LHFPL3: variants seen among roughly 807,000 people sequenced by gnomAD.
LHFPL3 encodes LHFPL tetraspan subfamily member 3 protein.
A neutral mutation model predicts 19.3 loss-of-function variants in LHFPL3; 5 were observed. The ratio of observed to expected loss-of-function variants is 0.26; its 90% confidence interval spans 0.14 to 0.54. The LOEUF (loss-of-function observed/expected upper bound fraction) is 0.54. Ranked by LOEUF, LHFPL3 falls within the 20% of genes least tolerant of loss-of-function variation. LHFPL3 has a pLI of 0.94. For synonymous variants in LHFPL3, 133 were observed against 126.2 expected, an observed-to-expected ratio of 1.05 and a Z score of -0.36; for missense variants, 249 against 307.4, an observed-to-expected ratio of 0.81 and a Z score of 1.42.
At chr7:104,658,176 C>G (rs1162319457) in intron 1 of LHFPL3, among the ~76,000 whole-genome samples, 1 of 152,170 alleles carries the variant, frequency 6.6e-6, no homozygotes, top group Non-Finnish European at 1.5e-5. Flanking sequence ...TCATATAGCA[C>G]TTTATGCACC....
intron 1 of LHFPL3, among the ~76,000 whole-genome samples, chr7:104,547,242 CAAAAAAAAAAAAAA>C (rs59524599): frequency 1.0e-4 from 1 of 9,638 alleles, no homozygotes; most frequent in Admixed American, 2.6e-3. Context: ...GACTCCGTCT[CAAAAAAAAAAAAAA>C]AAAAAAAAAA....
chr7:104,506,807 T>C (rs1329578878), intron 1 of LHFPL3, among the ~76,000 whole-genome samples: 1 of 152,186 alleles, frequency 6.6e-6, no homozygotes, highest in East Asian at 1.9e-4. Context: ...TGGATTTAAT[T>C]TAAAGAAAAG....
intron 2 of LHFPL3, among the ~76,000 whole-genome samples, chr7:104,876,830 T>C (rs535854683): frequency 1.3e-5 from 2 of 152,370 alleles, no homozygotes; most frequent in Admixed American, 1.3e-4. Context: ...TGCACATGTA[T>C]GTTTATTGTG....
intron 1 of LHFPL3, among the ~76,000 whole-genome samples, chr7:104,547,872 TATG>T (rs1275832022): frequency 2.6e-5 from 4 of 152,196 alleles, no homozygotes; most frequent in Non-Finnish European, 5.9e-5. Flanking sequence ...TGAAAGGTAA[TATG>T]ATGACCAGCT....
chr7:104,902,320 G>A (rs1792503410), intron 2 of LHFPL3, among the ~76,000 whole-genome samples: 1 of 151,782 alleles, frequency 6.6e-6, no homozygotes, highest in South Asian at 2.1e-4. Context: ...GGTGGTAGAG[G>A]CCACAGTGAG....
At chr7:104,857,682 G>A (rs771167827) in intron 2 of LHFPL3, among the ~76,000 whole-genome samples, 5 of 120,018 alleles carry the variant, frequency 4.2e-5, no homozygotes, top group Non-Finnish European at 6.0e-5. Context: ...CCTGGGGGCA[G>A]TAGATTTGAA....
intron 2 of LHFPL3, among the ~76,000 whole-genome samples, chr7:104,746,954 A>G (rs911062456): frequency 6.6e-6 from 1 of 152,170 alleles, no homozygotes; most frequent in African/African-American, 2.4e-5. Flanking sequence ...AGGCCTCATG[A>G]AGATCTGGAG....
chr7:104,727,406 A>G (rs1793611824), intron 1 of LHFPL3, among the ~76,000 whole-genome samples: 2 of 152,146 alleles, frequency 1.3e-5, no homozygotes, highest in African/African-American at 2.4e-5. Context: ...GCCCATGCCT[A>G]TGTCCTGAAT....
At chr7:104,622,147 G>A (rs1054730654) in intron 1 of LHFPL3, among the ~76,000 whole-genome samples, 2 of 152,048 alleles carry the variant, frequency 1.3e-5, no homozygotes, top group African/African-American at 4.8e-5. Flanking sequence ...TGTCACCCAG[G>A]CTGGAGTGCA....
At chr7:104,450,114 T>C (rs1792405069) in intron 1 of LHFPL3, among the ~76,000 whole-genome samples, 1 of 152,224 alleles carries the variant, frequency 6.6e-6, no homozygotes, top group Admixed American at 6.5e-5. Flanking sequence ...GAAACATCTG[T>C]GGTCTTGTGA....
intron 1 of LHFPL3, among the ~76,000 whole-genome samples, chr7:104,659,208 C>T (rs1244991691): frequency 6.6e-6 from 1 of 152,224 alleles, no homozygotes; most frequent in Non-Finnish European, 1.5e-5. Context: ...TCAAGTTGCC[C>T]TTGGCTTGCT....
chr7:104,742,475 G>A (rs576277515), intron 2 of LHFPL3, among the ~76,000 whole-genome samples: 1 of 152,206 alleles, frequency 6.6e-6, no homozygotes, highest in Non-Finnish European at 1.5e-5. Context: ...AACTAATTGA[G>A]AAATCTTTCA....
intron 1 of LHFPL3, among the ~76,000 whole-genome samples, chr7:104,572,158 C>T (rs1279916404): frequency 6.6e-6 from 1 of 152,226 alleles, no homozygotes; most frequent in Non-Finnish European, 1.5e-5. Flanking sequence ...ATTTTTCACA[C>T]AGATTTGAAT....
At chr7:104,420,988 G>A (rs1309233808) in intron 1 of LHFPL3, among the ~76,000 whole-genome samples, 1 of 152,194 alleles carries the variant, frequency 6.6e-6, no homozygotes, top group East Asian at 1.9e-4. Context: ...TGAGCTGAAA[G>A]GAATCAGACA....
chr7:104,722,710 G>A (rs1294889310), intron 1 of LHFPL3, among the ~76,000 whole-genome samples: 1 of 152,178 alleles, frequency 6.6e-6, no homozygotes, highest in African/African-American at 2.4e-5. Context: ...CAATCCTTGT[G>A]TGAAAGTTCC....
intron 1 of LHFPL3, among the ~76,000 whole-genome samples, chr7:104,437,298 G>T (rs1792128219): frequency 6.6e-6 from 1 of 152,174 alleles, no homozygotes; most frequent in Admixed American, 6.5e-5. Flanking sequence ...CTTCATTGAT[G>T]ACTGAACATA....
chr7:104,588,593 A>G (rs1458432512), intron 1 of LHFPL3, among the ~76,000 whole-genome samples: 2 of 152,080 alleles, frequency 1.3e-5, no homozygotes, highest in African/African-American at 2.4e-5. Context: ...TTGACTTGGC[A>G]ATGCAGGCTC....
At chr7:104,607,034 A>G (rs1329723219) in intron 1 of LHFPL3, among the ~76,000 whole-genome samples, 2 of 152,240 alleles carry the variant, frequency 1.3e-5, no homozygotes, top group African/African-American at 4.8e-5. Flanking sequence ...AAACCTTATG[A>G]CCACTGACCA....
At chr7:104,666,041 T>A (rs1310203639) in intron 1 of LHFPL3, among the ~76,000 whole-genome samples, 1 of 152,240 alleles carries the variant, frequency 6.6e-6, no homozygotes, top group East Asian at 1.9e-4. Context: ...TTTTTAAATA[T>A]TTATTAATAC....
Sources: allele counts gnomAD v4.1 joint callset (sites outside exome capture counted in the v4.1 genomes callset), GRCh38; gene constraint gnomAD v4.1.1; transcripts MANE v1.5; gene names NCBI Gene and HGNC (gene_info 2026-07-23, HGNC 2026-07-21).